The following DEFB110 variants were observed in gnomAD, a reference collection of about 807,000 sequenced individuals.
DEFB110 encodes beta-defensin 110.
A neutral mutation model predicts 2.5 loss-of-function variants in DEFB110; 4 were observed. That is an observed-to-expected ratio of 1.60 (90% CI 0.79 to 3.66). The LOEUF is 3.66. Among genes scored for constraint, DEFB110 ranks in the 30% most tolerant of loss-of-function variants. The pLI is 0.01. For missense variants in DEFB110, 94 were observed against 75.4 expected (o/e 1.25, Z -0.91); for synonymous variants, 29 against 21.8 (o/e 1.33, Z -0.92).
At chr6:50,012,452 C>T (rs1229689968) in intron 1 of DEFB110, among the ~76,000 whole-genome samples, 5 of 151,878 alleles carry the variant, frequency 3.3e-5, no homozygotes, top group African/African-American at 1.2e-4. Flanking sequence ...ATAAAAAACT[C>T]TATGTTTTAT....
rs1774237725 is a variant in DEFB110, at chr6:50,012,111, TC to T, written c.56-2841del. On this transcript the variant is annotated intron_variant, in intron 1 of 1. Coordinates refer to the DEFB110 transcript ENST00000393660. ...CCTTCAAAGTCAGGTTATTCTCATT[TC>T]CTTTGTCTTTATTTGCCTTTTGGAT... Among the ~76,000 whole-genome samples, 5 of 152,178 alleles carry T rather than the reference TC, an allele frequency of 3.3e-5. No individual in the cohort carries two copies. In the South Asian group the frequency reaches 1.0e-3, roughly 32 times the overall value.
In DEFB110 at chr6:50,018,912, G is replaced by T. The variant is rs1774365029; in HGVS notation, c.*65C>A. 2 of 1,536,974 alleles carry T rather than the reference G, an allele frequency of 1.3e-6. No individual in the cohort carries two copies. The highest frequency in any genetic ancestry group is 1.7e-6 in the Non-Finnish European group (2 of 1,146,806). On this transcript the variant is annotated 3_prime_UTR_variant, in exon 2 of 2. Coordinates refer to ENST00000371148, the MANE Select transcript of DEFB110 (RefSeq NM_001037497.2). The stretch of plus-strand genomic sequence containing the variant: ...GAGACACACACGCCTTGAAGGATGT[G>T]CTGGGAAAACTTAATAACGCTGGTC...
chr6:50,019,094 C>T lies in DEFB110; in HGVS notation c.87G>A (p.Leu29=). Residue 29 remains leucine, a synonymous_variant, in exon 2 of 2, where the codon TTG becomes TTA. Transcript: ENST00000371148. Reference sequence around the variant, plus strand: ...CTATTCTGCACTCTCTCCTCAAGTCCAAGCTACCATACTCAGGATATTTCT... The same window carrying T: ...CTATTCTGCACTCTCTCCTCAAGTCTAAGCTACCATACTCAGGATATTTCT... ...AKKKYPEYGS[L]DLRRECRIGN... is the part of the protein sequence containing the mutation. The T allele has an allele frequency of 1.2e-6, 2 of 1,612,916 alleles. No homozygotes were observed. The highest frequency in any genetic ancestry group is 1.1e-5 in the South Asian group (1 of 90,986).
exon 2 of DEFB110, chr6:50,009,271 G>A (rs200402957): frequency 1.8e-5 from 28 of 1,588,104 alleles, no homozygotes; most frequent in Non-Finnish European, 2.3e-5. Context: ...ATTGCTTCTG[G>A]CTGCAATCAA....
At chr6:50,014,694 T>C (rs1332486130), downstream of DEFB110, among the ~76,000 whole-genome samples, 1 of 151,682 alleles carries the variant, frequency 6.6e-6, no homozygotes, top group African/African-American at 2.4e-5. Flanking sequence ...AAAACATCCT[T>C]CCTGTCTTCA....
downstream of DEFB110, among the ~76,000 whole-genome samples, chr6:50,017,452 G>A (rs981760736): frequency 6.6e-6 from 1 of 151,732 alleles, no homozygotes; most frequent in Non-Finnish European, 1.5e-5. Context: ...TGGCAATATA[G>A]GTAGACATTT....
At chr6:50,015,621 C>T (rs1774303199), downstream of DEFB110, among the ~76,000 whole-genome samples, 1 of 151,774 alleles carries the variant, frequency 6.6e-6, no homozygotes, top group South Asian at 2.1e-4. Context: ...ACTTTGTTTC[C>T]TTTTCTCTAA....
At chr6:50,016,782 T>A (rs546947231), downstream of DEFB110, among the ~76,000 whole-genome samples, 14 of 151,972 alleles carry the variant, frequency 9.2e-5, no homozygotes, top group Non-Finnish European at 8.8e-5. Context: ...TCCTTCAATT[T>A]TCTTAAATTT....
intron 1 of DEFB110, among the ~76,000 whole-genome samples, chr6:50,021,291 G>T (rs945739564): frequency 1.3e-5 from 2 of 152,100 alleles, no homozygotes; most frequent in African/African-American, 2.4e-5. Context: ...TCTACAACTG[G>T]TACTGTGCCA....
chr6:50,018,694 C>T, downstream of DEFB110: 1 of 574,248 alleles, frequency 1.7e-6, no homozygotes, highest in Non-Finnish European at 2.4e-6. Context: ...TAACACAAGG[C>T]ACATAAAAGT....
downstream of DEFB110, among the ~76,000 whole-genome samples, chr6:50,015,883 G>A (rs1774307106): frequency 6.6e-6 from 1 of 151,684 alleles, no homozygotes; most frequent in Non-Finnish European, 1.5e-5. Flanking sequence ...ATTACAAATT[G>A]ACATTGATCT....
chr6:50,010,081 A>G (rs192194834), intron 1 of DEFB110, among the ~76,000 whole-genome samples: 80 of 152,078 alleles, frequency 5.3e-4, no homozygotes, highest in Admixed American at 9.8e-4. Flanking sequence ...TTATTTTTCA[A>G]TTTTATCAAT....
In DEFB110 at chr6:50,021,990, G is replaced by C; in HGVS notation, c.-55C>G. The C allele has an allele frequency of 2.1e-6, 3 of 1,433,768 alleles. No homozygotes were observed. Among genetic ancestry groups the C allele is most frequent in the Non-Finnish European group, 2.8e-6 (3 of 1,070,456 alleles). 88.8% of individuals were successfully genotyped at this position (1,433,768 alleles called of 1,614,324 possible). A position where few individuals can be genotyped will look rare whatever the true frequency, so the allele number is the denominator to read the frequency against. Reference sequence around the variant, plus strand: ...ACAGACCTCCTTTTTCAAGTCAGTTGTTTTGAAATAAGGAAACAGAGATCC... The same window carrying C: ...ACAGACCTCCTTTTTCAAGTCAGTTCTTTTGAAATAAGGAAACAGAGATCC... On this transcript the variant is annotated 5_prime_UTR_variant, in exon 1 of 2. Transcript: ENST00000371148.
chr6:50,011,239 C>T (rs566976234), intron 1 of DEFB110, among the ~76,000 whole-genome samples: 1 of 151,626 alleles, frequency 6.6e-6, no homozygotes, highest in South Asian at 2.1e-4. Context: ...GAATGCTATA[C>T]AAATGTCATC....
chr6:50,009,380 T>C (rs1182276349), intron 1 of DEFB110: 7 of 1,146,816 alleles, frequency 6.1e-6, no homozygotes, highest in Admixed American at 3.1e-5. Context: ...TGTGTGCAAG[T>C]TGGAGACAAT....
At chr6:50,018,536 C>A (rs2113941810), downstream of DEFB110, among the ~76,000 whole-genome samples, 1 of 152,042 alleles carries the variant, frequency 6.6e-6, no homozygotes, top group African/African-American at 2.4e-5. Context: ...GTCTCCCAAG[C>A]CCAGTGGATT....
chr6:50,010,897 A>T (rs1345275137), intron 1 of DEFB110, among the ~76,000 whole-genome samples: 1 of 151,716 alleles, frequency 6.6e-6, no homozygotes, highest in Non-Finnish European at 1.5e-5. Flanking sequence ...ATTAGAAAAA[A>T]GTATACACAT....
At chr6:50,012,604 ATTGT>A (rs1012099565) in intron 1 of DEFB110, among the ~76,000 whole-genome samples, 3 of 151,948 alleles carry the variant, frequency 2.0e-5, no homozygotes, top group Non-Finnish European at 1.5e-5. Flanking sequence ...ATAAGGAAAA[ATTGT>A]TTGGCCCATA....
chr6:50,019,515 C>A (rs1353620750), intron 1 of DEFB110, among the ~76,000 whole-genome samples: 4 of 152,076 alleles, frequency 2.6e-5, no homozygotes, highest in Non-Finnish European at 5.9e-5. Context: ...ATGAATTCTT[C>A]TTCAAGTGAT....
Sources: allele counts gnomAD v4.1 joint callset (sites outside exome capture counted in the v4.1 genomes callset), GRCh38; gene constraint gnomAD v4.1.1; transcripts MANE v1.5; gene names NCBI Gene and HGNC (gene_info 2026-07-23, HGNC 2026-07-21).